The following BCAS3 variants were observed in gnomAD, a reference collection of about 807,000 sequenced individuals.
BCAS3 encodes the protein BCAS3 microtubule associated cell migration factor.
A neutral mutation model predicts 116.1 loss-of-function variants in BCAS3; 53 were observed. The observed-to-expected ratio is 0.46, with a 90% CI of 0.37 to 0.57. The LOEUF is 0.57. Ranked by LOEUF, BCAS3 falls within the 20% of genes least tolerant of loss-of-function variation. The pLI is 0.00. For missense variants in BCAS3, 917 were observed against 1,165.4 expected (o/e 0.79, Z 3.10); for synonymous variants, 391 against 408.2 (o/e 0.96, Z 0.51).
chr17:60,977,025 C>T (rs1290113792), intron 14 of BCAS3, among the ~76,000 whole-genome samples: 4 of 151,690 alleles, frequency 2.6e-5, no homozygotes, highest in Non-Finnish European at 4.4e-5. Flanking sequence ...CGGGCAGAGG[C>T]GCCCCCCAAC....
Position 60,850,419 on chromosome 17 carries a change from C to T in BCAS3, c.477-18157C>T, listed in dbSNP as rs146027824. On this transcript the variant is annotated intron_variant, in intron 7 of 23. Coordinates refer to ENST00000407086, the MANE Select transcript of BCAS3 (RefSeq NM_017679.5). ...TGTTGCCCAGGTTGGAGTGCAATGGCGTGATCTCGGCTCTCTGCAACCTCT... is the reference window on the plus strand; with the variant it reads ...TGTTGCCCAGGTTGGAGTGCAATGGTGTGATCTCGGCTCTCTGCAACCTCT... 3.1e-3 allele frequency among the ~76,000 whole-genome samples: 371 copies of T among 121,002 alleles called. 9 individuals are homozygous for T. In the East Asian group the frequency reaches 0.052, roughly 17 times the overall value. The allele number at this position is 121,002 out of a possible 152,430, so 79.4% of individuals were successfully genotyped here.
intron 14 of BCAS3, among the ~76,000 whole-genome samples, chr17:60,989,479 GTT>G (rs11314373): frequency 1.5e-3 from 197 of 135,018 alleles, no homozygotes; most frequent in Middle Eastern, 3.9e-3. Flanking sequence ...AAATAAAGTT[GTT>G]TTTTTTTTTT....
rs551352799 is a variant in BCAS3, at chr17:61,381,124, G to C, written c.2594-10853G>C. On this transcript the variant is annotated intron_variant, in intron 23 of 23. Transcript: ENST00000407086. The surrounding 1 kb of genome is among the most constrained non-coding windows in gnomAD (Gnocchi z 6.0). ...TACTTTCAACTCTGAAGCCAGCCTT[G>C]TGATAAACATTTGGTTAACCCCTTC... is the stretch of plus-strand genomic sequence containing the variant. Among the ~76,000 whole-genome samples, 43 of 152,296 alleles carry C rather than the reference G, an allele frequency of 2.8e-4. No individual in the cohort carries two copies. In the South Asian group the frequency reaches 8.5e-3, roughly 30 times the overall value.
At chr17:61,025,752 C>A (rs1007913964) in intron 16 of BCAS3, among the ~76,000 whole-genome samples, 1 of 152,046 alleles carries the variant, frequency 6.6e-6, no homozygotes, top group Admixed American at 6.6e-5. Context: ...ATTTTTCCTT[C>A]TACCTCACTT....
At position 61,008,032 on chromosome 17, in the gene BCAS3, C is replaced by G. The variant is rs113403510; in HGVS notation, c.1487-7719C>G. On this transcript the variant is annotated intron_variant, in intron 15 of 23. Coordinates refer to ENST00000407086, the MANE Select transcript of BCAS3 (RefSeq NM_017679.5). This position sits in a 1 kb window ranked among gnomAD's most constrained non-coding sequence, Gnocchi z 4.6. ...GTTTATAGTCTTTAAAAATGTGTGT[C>G]TGTGTGTCGACACACACACACACAC... 0.052 allele frequency among the ~76,000 whole-genome samples: 7,912 copies of G among 151,376 alleles called. 726 individuals carry two copies. Among genetic ancestry groups the G allele is most frequent in the African/African-American group, 0.18 (7,462 of 41,002 alleles).
chr17:60,902,029 C>T (rs955097537), intron 10 of BCAS3, among the ~76,000 whole-genome samples: 1 of 152,176 alleles, frequency 6.6e-6, no homozygotes, highest in Admixed American at 6.5e-5. Flanking sequence ...TTATTTATGT[C>T]AGTCACAAAT....
In BCAS3 at chr17:61,299,442, C is replaced by CAAA. The variant is rs538072648; in HGVS notation, c.2426-68863_2426-68861dup. Among the ~76,000 whole-genome samples, 54 of 57,086 alleles carry CAAA rather than the reference C, an allele frequency of 9.5e-4. 1 individual carries two copies. Among genetic ancestry groups the CAAA allele is most frequent in the African/African-American group, 1.3e-3 (22 of 16,728 alleles). 37.5% of individuals were successfully genotyped at this position (57,086 alleles called of 152,430 possible). A position where few individuals can be genotyped will look rare whatever the true frequency, so the allele number is the denominator to read the frequency against. On this transcript the variant is annotated intron_variant, in intron 22 of 23. Coordinates refer to ENST00000407086, the MANE Select transcript of BCAS3 (RefSeq NM_017679.5). ...TGGGTGACAGAGCGAGACTCCATCTCAAAAAAAAAAAAAAAAAAAAAAAAG... is the reference window on the plus strand; with the variant it reads ...TGGGTGACAGAGCGAGACTCCATCTCAAAAAAAAAAAAAAAAAAAAAAAAAAAG...
At position 60,811,346 on chromosome 17, in the gene BCAS3, G is replaced by A. The variant is rs192446813; in HGVS notation, c.476+3270G>A. On this transcript the variant is annotated intron_variant, in intron 7 of 23. Transcript: ENST00000407086. ...GGAAGATGGTGAGGACTTCAGTCTT[G>A]GTGATACCCCAGACAGCAGCAACTC... is the stretch of plus-strand genomic sequence containing the variant. The A allele has an allele frequency of 2.6e-4, 169 of 660,720 alleles. 1 individual carries two copies. The Admixed American group carries it at 3.4e-3, about 13-fold the overall frequency. The allele number at this position is 660,720 out of a possible 1,614,324, so 40.9% of individuals were successfully genotyped here. A position where few individuals can be genotyped will look rare whatever the true frequency, so the allele number is the denominator to read the frequency against.
chr17:61,119,042 C>G (rs1248792375), intron 22 of BCAS3, among the ~76,000 whole-genome samples: 1 of 152,170 alleles, frequency 6.6e-6, no homozygotes, highest in African/African-American at 2.4e-5. Flanking sequence ...ACACTTCACA[C>G]TAAGCAAGGC....
At chr17:61,080,386 C>T (rs921938625) in intron 21 of BCAS3, among the ~76,000 whole-genome samples, 3 of 152,172 alleles carry the variant, frequency 2.0e-5, no homozygotes, top group African/African-American at 7.2e-5. Context: ...CTAGCAACAT[C>T]TCACAGACTC....
intron 4 of BCAS3, among the ~76,000 whole-genome samples, chr17:60,699,350 G>C (rs941572730): frequency 6.6e-6 from 1 of 152,072 alleles, no homozygotes; most frequent in East Asian, 1.9e-4. Flanking sequence ...CAGTAGCTAG[G>C]ATTACAAGCA....
intron 22 of BCAS3, among the ~76,000 whole-genome samples, chr17:61,345,624 A>G (rs529092111): frequency 6.6e-6 from 1 of 152,308 alleles, no homozygotes; most frequent in Admixed American, 6.5e-5. Flanking sequence ...AGCACAGCTC[A>G]GCAGCCTGGA....
At chr17:60,859,149 A>G (rs2053939109) in intron 7 of BCAS3, among the ~76,000 whole-genome samples, 2 of 152,216 alleles carry the variant, frequency 1.3e-5, no homozygotes, top group Non-Finnish European at 2.9e-5. Flanking sequence ...ATGACTTAAT[A>G]TGTACAAGAG....
chr17:60,829,485 CTG>C (rs2050726709), intron 7 of BCAS3, among the ~76,000 whole-genome samples: 1 of 133,052 alleles, frequency 7.5e-6, no homozygotes, highest in Admixed American at 7.1e-5. Flanking sequence ...TAGAGCAAGA[CTG>C]TGTCTCAAAA....
chr17:61,174,007 C>G (rs2079002633), intron 22 of BCAS3, among the ~76,000 whole-genome samples: 1 of 152,082 alleles, frequency 6.6e-6, no homozygotes, highest in Non-Finnish European at 1.5e-5. Context: ...ATGGAAATTG[C>G]ACATCATCAA....
chr17:60,878,729 T>C (rs1478888025), intron 9 of BCAS3, among the ~76,000 whole-genome samples: 1 of 152,174 alleles, frequency 6.6e-6, no homozygotes, highest in East Asian at 1.9e-4. Flanking sequence ...AAATTATTTT[T>C]CTTGAAAACC....
intron 7 of BCAS3, among the ~76,000 whole-genome samples, chr17:60,816,923 G>A (rs577299789): frequency 6.6e-6 from 1 of 152,302 alleles, no homozygotes; most frequent in East Asian, 1.9e-4. Context: ...TTCAGCAGCT[G>A]GGCTTTACGG....
rs1350685450 is a variant in BCAS3 at position 60,882,428 on chromosome 17, A to G, written c.662-7267A>G. ...CTGACGGTAGTTTCTTTTGCTGTGC[A>G]GAAGCTCTTTAGTTTAATTAGATCC... On this transcript the variant is annotated intron_variant, in intron 9 of 23. Transcript: ENST00000407086. Among the ~76,000 whole-genome samples the G allele has an allele frequency of 1.6e-4, 24 of 150,592 alleles. No homozygotes were observed. The South Asian group carries it at 4.8e-3, about 30-fold the overall frequency.
intron 22 of BCAS3, among the ~76,000 whole-genome samples, chr17:61,125,243 C>T (rs949568417): frequency 1.3e-5 from 2 of 152,120 alleles, no homozygotes; most frequent in South Asian, 2.1e-4. Flanking sequence ...CACTTGAACA[C>T]GAAAATGCTT....
Sources: allele counts gnomAD v4.1 joint callset (sites outside exome capture counted in the v4.1 genomes callset), GRCh38; gene constraint gnomAD v4.1.1; non-coding constraint Gnocchi (gnomAD v3.1); transcripts MANE v1.5; gene names NCBI Gene and HGNC (gene_info 2026-07-23, HGNC 2026-07-21).